Variants in SLC15A5 observed in about 807,000 individuals in gnomAD.
SLC15A5 encodes the protein Peptide/histidine transporter ENSP00000340402.
Under a neutral mutation model 56.1 loss-of-function variants are expected in SLC15A5, and 58 were observed. The observed-to-expected ratio is 1.03, with a 90% CI of 0.84 to 1.29. SLC15A5 has a LOEUF of 1.29. SLC15A5 is among the 50% of genes most tolerant of loss of function. SLC15A5 has a pLI of 0.00. For missense variants in SLC15A5, 681 were observed against 672.1 expected, an observed-to-expected ratio of 1.01 and a Z score of -0.15; for synonymous variants, 264 against 250.5, an observed-to-expected ratio of 1.05 and a Z score of -0.51.
At chr12:16,267,773 C>G (rs1300417622) in intron 2 of SLC15A5, among the ~76,000 whole-genome samples, 2 of 67,852 alleles carry the variant, frequency 2.9e-5, no homozygotes, top group Non-Finnish European at 5.1e-5. Context: ...GGGTCTCACT[C>G]TGTCACCCAG....
intron 6 of SLC15A5, among the ~76,000 whole-genome samples, chr12:16,220,400 C>T (rs1172652942): frequency 6.6e-6 from 1 of 152,162 alleles, no homozygotes. Flanking sequence ...TCCCACCTTC[C>T]ATCCTTTCAA....
chr12:16,241,705 G>A (rs138351763), intron 4 of SLC15A5, among the ~76,000 whole-genome samples: 166 of 152,262 alleles, frequency 1.1e-3, no homozygotes, highest in African/African-American at 3.8e-3. Flanking sequence ...TGCTGGCAGC[G>A]GAACAACTCT....
At position 16,189,732 on chromosome 12, in the gene SLC15A5, A is replaced by G; in HGVS notation, c.1676T>C (p.Leu559Pro). ...EETLLLHEKS[L>P]KFYGSIQEFS... ...TTCCTGTATACTGCCATAAAATTTC[A>G]GAGATTTTTCGTGGAGGAGAAGTGT... Residue 559 changes from leucine (L) to proline (P), a missense_variant, in exon 9 of 9, where the codon CTG (leucine) becomes CCG (proline). Coordinates refer to ENST00000344941, the MANE Select transcript of SLC15A5 (RefSeq NM_001170798.1). The G allele has an allele frequency of 6.5e-7, 1 of 1,530,756 alleles. No individual in the cohort carries two copies. The highest frequency in any genetic ancestry group is 8.7e-7 in the Non-Finnish European group (1 of 1,143,534). The allele number at this position is 1,530,756 out of a possible 1,614,324, so 94.8% of individuals were successfully genotyped here.
At chr12:16,260,008 G>C (rs1317431439) in intron 2 of SLC15A5, among the ~76,000 whole-genome samples, 2 of 152,054 alleles carry the variant, frequency 1.3e-5, no homozygotes, top group African/African-American at 4.8e-5. Flanking sequence ...GAGTGTTCCT[G>C]TGTGATTCTC....
chr12:16,205,586 TATATACATATAC>T (rs1370681280), intron 7 of SLC15A5, among the ~76,000 whole-genome samples: 422 of 14,002 alleles, frequency 0.03, 24 homozygotes, highest in African/African-American at 0.064. Context: ...GGTGCATATA[TATATACATATAC>T]ACACACACAC....
Position 16,224,333 on chromosome 12 carries a change from T to A in SLC15A5, c.1351+81A>T, listed in dbSNP as rs374670856. 5.5e-5 allele frequency: 74 copies of A among 1,339,866 alleles called. No homozygotes were observed. In the East Asian group the frequency reaches 1.8e-3, roughly 33 times the overall value. The allele number at this position is 1,339,866 out of a possible 1,614,324, so 83.0% of individuals were successfully genotyped here. A position where few individuals can be genotyped will look rare whatever the true frequency, so the allele number is the denominator to read the frequency against. ...AGGAGGTGAATAGATGACATACCAC[T>A]TTAATTGTTCTGGTTGAGGTGATGT... On this transcript the variant is annotated intron_variant, in intron 6 of 8. Transcript: ENST00000344941.
In SLC15A5 at chr12:16,237,084, C is replaced by G. The variant is rs1372830139; in HGVS notation, c.1162+2597G>C. The stretch of plus-strand genomic sequence containing the variant: ...CACAAATATATGTTCATTCATAATT[C>G]ATATACCTATATACTTCACCCACAT... On this transcript the variant is annotated intron_variant, in intron 5 of 8. Transcript: ENST00000344941. The surrounding 1 kb of genome is among the most constrained non-coding windows in gnomAD (Gnocchi z 4.1). Among the ~76,000 whole-genome samples the G allele has an allele frequency of 1.3e-5, 2 of 152,068 alleles. No homozygotes were observed. The highest frequency in any genetic ancestry group is 1.3e-4 in the Admixed American group (2 of 15,274).
chr12:16,252,555 A>G (rs1255299163), intron 3 of SLC15A5, among the ~76,000 whole-genome samples: 1 of 152,092 alleles, frequency 6.6e-6, no homozygotes, highest in Non-Finnish European at 1.5e-5. Context: ...CCCATATACT[A>G]TAGCATTGAA....
chr12:16,250,397 A>T (rs569348366), intron 3 of SLC15A5, among the ~76,000 whole-genome samples: 3 of 152,082 alleles, frequency 2.0e-5, no homozygotes, highest in African/African-American at 4.8e-5. Flanking sequence ...CATTGTAGGT[A>T]TATGATAAAA....
At chr12:16,272,404 C>T (rs1012297638) in intron 2 of SLC15A5, among the ~76,000 whole-genome samples, 157 bp downstream of exon 2, 1 of 152,108 alleles carries the variant, frequency 6.6e-6, no homozygotes, top group African/African-American at 2.4e-5. Flanking sequence ...CTTAGAAGCT[C>T]CTGTGATTAC....
intron 2 of SLC15A5, among the ~76,000 whole-genome samples, chr12:16,270,541 C>G (rs1864741745): frequency 6.6e-6 from 1 of 152,098 alleles, no homozygotes; most frequent in South Asian, 2.1e-4. Flanking sequence ...GATGGCTTAT[C>G]CATGATTTAG....
chr12:16,230,210 T>G (rs912763879), intron 5 of SLC15A5, among the ~76,000 whole-genome samples: 1 of 152,148 alleles, frequency 6.6e-6, no homozygotes, highest in African/African-American at 2.4e-5. Context: ...AAAAGTGAAT[T>G]TGAGGACATA....
rs1565676638 is a variant in SLC15A5, at chr12:16,272,584, T to C, written c.561A>G (p.Gln187=). 3.3e-6 allele frequency: 5 copies of C among 1,536,906 alleles called. No homozygotes were observed. Among genetic ancestry groups the C allele is most frequent in the African/African-American group, 1.4e-5 (1 of 73,146 alleles). ...ACCAGTTAAAAAAAGACATCGTTTT[T>C]TGTGATCCATACTCCTGAAGGCCAA... The part of the protein sequence containing the change: ...GAFGLQEYGS[Q]KTMSFFNWFY... The change falls in exon 2 of 9, where the codon CAA becomes CAG. Residue 187 remains glutamine (Q), a synonymous_variant. Coordinates refer to ENST00000344941, the MANE Select transcript of SLC15A5 (RefSeq NM_001170798.1).
intron 3 of SLC15A5, among the ~76,000 whole-genome samples, chr12:16,257,344 C>G (rs1673803755): frequency 2.0e-5 from 3 of 152,046 alleles, no homozygotes. Context: ...ATTGCTGAAG[C>G]TCAGAGCTAC....
At chr12:16,201,510 C>T (rs999355723) in intron 7 of SLC15A5, among the ~76,000 whole-genome samples, 10 of 152,128 alleles carry the variant, frequency 6.6e-5, no homozygotes, top group African/African-American at 2.4e-4. Context: ...ACCCAAATCT[C>T]ATCTTGAATT....
intron 7 of SLC15A5, among the ~76,000 whole-genome samples, chr12:16,194,953 A>T (rs1863879038): frequency 6.6e-6 from 1 of 152,058 alleles, no homozygotes; most frequent in Admixed American, 6.6e-5. Flanking sequence ...ACTTTGATAA[A>T]TCCAGGGCTA....
intron 2 of SLC15A5, among the ~76,000 whole-genome samples, chr12:16,266,822 C>T (rs1799457): frequency 0.45 from 67,915 of 151,884 alleles, 15,372 homozygotes; most frequent in South Asian, 0.62. Flanking sequence ...AAATTGAAAG[C>T]AGCAGTAAAA....
At chr12:16,206,812 T>G (rs777626170) in intron 7 of SLC15A5, among the ~76,000 whole-genome samples, 1 of 152,190 alleles carries the variant, frequency 6.6e-6, no homozygotes, top group Non-Finnish European at 1.5e-5. Context: ...ACACTGTGTC[T>G]TTCAAAATTG....
intron 7 of SLC15A5, among the ~76,000 whole-genome samples, chr12:16,204,211 T>C (rs955792803): frequency 7.9e-5 from 12 of 152,084 alleles, no homozygotes; most frequent in Non-Finnish European, 1.8e-4. Flanking sequence ...ATCCCAGCAC[T>C]TTGGGAAGCC....
Sources: allele counts gnomAD v4.1 joint callset (sites outside exome capture counted in the v4.1 genomes callset), GRCh38; gene constraint gnomAD v4.1.1; non-coding constraint Gnocchi (gnomAD v3.1); transcripts MANE v1.5; gene names NCBI Gene and HGNC (gene_info 2026-07-23, HGNC 2026-07-21).